TCERG1L: variants seen among roughly 807,000 people sequenced by gnomAD.
The protein encoded by TCERG1L is transcription elongation regulator 1 like.
Under a neutral mutation model 56.3 loss-of-function variants are expected in TCERG1L, and 37 were observed. The ratio of observed to expected loss-of-function variants is 0.66; its 90% CI spans 0.51 to 0.87. The LOEUF is 0.87. Among genes scored for constraint, TCERG1L ranks in the 40% least tolerant of loss-of-function variants. The pLI is 0.00. For missense variants in TCERG1L, 799 were observed against 774.2 expected, an observed-to-expected ratio of 1.03 and a Z score of -0.38; for synonymous variants, 324 against 326.3, an observed-to-expected ratio of 0.99 and a Z score of 0.08.
intron 4 of TCERG1L, among the ~76,000 whole-genome samples, chr10:131,215,808 C>A (rs552465262): frequency 3.8e-4 from 58 of 152,298 alleles, no homozygotes; most frequent in African/African-American, 1.3e-3. Flanking sequence ...CAGAGAAGGA[C>A]AAACTGACCA....
chr10:131,241,447 G>A (rs1845970913), intron 4 of TCERG1L, among the ~76,000 whole-genome samples: 1 of 152,192 alleles, frequency 6.6e-6, no homozygotes, highest in Admixed American at 6.5e-5. Flanking sequence ...GACATGCTGC[G>A]TGACATGCAA....
chr10:131,219,642 T>C (rs1346396147), intron 4 of TCERG1L, among the ~76,000 whole-genome samples: 1 of 152,190 alleles, frequency 6.6e-6, no homozygotes, highest in Non-Finnish European at 1.5e-5. Flanking sequence ...CCAGGGAAGG[T>C]TGCCCGGCCC....
At chr10:131,263,782 C>G (rs987456123) in intron 3 of TCERG1L, among the ~76,000 whole-genome samples, 1 of 152,196 alleles carries the variant, frequency 6.6e-6, no homozygotes, top group African/African-American at 2.4e-5. Flanking sequence ...CTAGAAAGCC[C>G]TACACAAATT....
At chr10:131,095,849 CTG>C (rs1415470127) in intron 11 of TCERG1L, 8 of 152,166 alleles carry the variant, frequency 5.3e-5, no homozygotes, top group African/African-American at 1.9e-4. Flanking sequence ...CGTTTTCCTT[CTG>C]TGTGCGTGTA....
chr10:131,243,712 C>T (rs879745651), intron 4 of TCERG1L, among the ~76,000 whole-genome samples: 8 of 152,214 alleles, frequency 5.3e-5, no homozygotes, highest in Non-Finnish European at 1.0e-4. Flanking sequence ...TTCACCAAGA[C>T]GCAAGTAAGT....
intron 10 of TCERG1L, among the ~76,000 whole-genome samples, chr10:131,102,357 G>A (rs948134331): frequency 5.9e-5 from 9 of 152,154 alleles, no homozygotes; most frequent in Non-Finnish European, 1.3e-4. Flanking sequence ...GTGGTGGGTC[G>A]AGGGCTGGGA....
At chr10:131,179,932 T>C (rs184054755) in intron 4 of TCERG1L, among the ~76,000 whole-genome samples, 15 of 152,280 alleles carry the variant, frequency 9.9e-5, no homozygotes, top group South Asian at 8.3e-4. Flanking sequence ...GTGACAGCAG[T>C]TGACTTCCAG....
At chr10:131,144,854 T>C (rs76423926) in intron 7 of TCERG1L, among the ~76,000 whole-genome samples, 9,723 of 152,268 alleles carry the variant, frequency 0.064, 628 homozygotes, top group African/African-American at 0.16. Flanking sequence ...CATCGAGCTA[T>C]GAGCCAGGAA....
At chr10:131,155,724 C>G (rs1309010105) in intron 6 of TCERG1L, among the ~76,000 whole-genome samples, 1 of 152,156 alleles carries the variant, frequency 6.6e-6, no homozygotes, top group East Asian at 1.9e-4. Flanking sequence ...TGCCTGGGAA[C>G]GAAAGCAAGG....
At chr10:131,240,539 ATGAG>A (rs5789076) in intron 4 of TCERG1L, among the ~76,000 whole-genome samples, 67,565 of 151,410 alleles carry the variant, frequency 0.45, 15,208 homozygotes, top group East Asian at 0.62. Flanking sequence ...GAACTAATGA[ATGAG>A]TGAGTGAGTG....
At chr10:131,252,001 G>A (rs575545218) in intron 4 of TCERG1L, among the ~76,000 whole-genome samples, 3 of 152,320 alleles carry the variant, frequency 2.0e-5, no homozygotes, top group South Asian at 4.2e-4. Flanking sequence ...ATCCGATGGG[G>A]GACCTCGGAT....
intron 7 of TCERG1L, among the ~76,000 whole-genome samples, chr10:131,142,004 G>A (rs902470199): frequency 6.6e-6 from 1 of 152,134 alleles, no homozygotes; most frequent in African/African-American, 2.4e-5. Context: ...GTCAACTCAG[G>A]ATTCTGCAAG....
chr10:131,186,955 A>G (rs1221471213), intron 4 of TCERG1L, among the ~76,000 whole-genome samples: 1 of 152,240 alleles, frequency 6.6e-6, no homozygotes, highest in Non-Finnish European at 1.5e-5. Context: ...GAAGCTATGA[A>G]TCAGAGCTGC....
intron 4 of TCERG1L, among the ~76,000 whole-genome samples, chr10:131,202,985 G>A (rs1265335402): frequency 1.3e-5 from 2 of 152,202 alleles, no homozygotes; most frequent in African/African-American, 2.4e-5. Context: ...GGAAGTTTGA[G>A]TGAAGAGGTT....
intron 4 of TCERG1L, among the ~76,000 whole-genome samples, chr10:131,224,143 A>G (rs1845765837): frequency 6.6e-6 from 1 of 151,370 alleles, no homozygotes; most frequent in Admixed American, 6.6e-5. Flanking sequence ...CTCTCTTTCC[A>G]GTTATCCCCC....
chr10:131,303,280 C>T (rs1487902556), intron 3 of TCERG1L, among the ~76,000 whole-genome samples: 2 of 152,086 alleles, frequency 1.3e-5, no homozygotes, highest in African/African-American at 2.4e-5. Flanking sequence ...ACATCCTTTC[C>T]AGCATCTGTT....
chr10:131,296,843 G>A (rs1846695998), intron 3 of TCERG1L, among the ~76,000 whole-genome samples: 1 of 152,084 alleles, frequency 6.6e-6, no homozygotes, highest in Non-Finnish European at 1.5e-5. Flanking sequence ...TCATGATTTT[G>A]GTGCAATTTT....
chr10:131,228,345 T>C (rs2918166), intron 4 of TCERG1L, among the ~76,000 whole-genome samples: 11 of 9,362 alleles, frequency 1.2e-3, no homozygotes, highest in African/African-American at 2.2e-3. Flanking sequence ...TTCCTCAAGG[T>C]CTCTGGAGTC....
At chr10:131,288,146 A>C (rs1172298947) in intron 3 of TCERG1L, among the ~76,000 whole-genome samples, 1 of 152,204 alleles carries the variant, frequency 6.6e-6, no homozygotes, top group Non-Finnish European at 1.5e-5. Flanking sequence ...CAAGCCTGCC[A>C]GTCTCTGAAG....
Sources: allele counts gnomAD v4.1 joint callset (sites outside exome capture counted in the v4.1 genomes callset), GRCh38; gene constraint gnomAD v4.1.1; transcripts MANE v1.5; gene names NCBI Gene and HGNC (gene_info 2026-07-23, HGNC 2026-07-21).